The following FRMD4A variants were observed in gnomAD, a reference collection of about 807,000 sequenced individuals.
FRMD4A encodes the protein FERM domain-containing protein 4A.
A neutral mutation model predicts 129.1 loss-of-function variants in FRMD4A; 29 were observed. The observed-to-expected ratio is 0.22, with a 90% confidence interval of 0.17 to 0.31. FRMD4A has a LOEUF of 0.31. Among genes scored for constraint, FRMD4A ranks in the 10% least tolerant of loss-of-function variants. FRMD4A has a pLI of 1.00. For synonymous variants in FRMD4A, 634 were observed against 571.6 expected (o/e 1.11, Z -1.56); for missense variants, 1,272 against 1,375.8 (o/e 0.92, Z 1.19).
In FRMD4A at chr10:13,971,959, C is replaced by T. The variant is rs1013881909; in HGVS notation, c.46-113047G>A. On this transcript the variant is annotated intron_variant, in intron 2 of 24. Transcript: ENST00000357447. ...ATTCCTCTGACTCTCCTCCCCCTAC[C>T]TACCCTCACCACCACCCTCACTAAT... The T allele has an allele frequency of 1.1e-5, 13 of 1,204,276 alleles. No homozygotes were observed. In the South Asian group the frequency reaches 1.9e-4, roughly 18 times the overall value. The allele number at this position is 1,204,276 out of a possible 1,614,324, so 74.6% of individuals were successfully genotyped here.
At chr10:14,252,126 T>C (rs368097731) in intron 2 of FRMD4A, among the ~76,000 whole-genome samples, 1 of 152,350 alleles carries the variant, frequency 6.6e-6, no homozygotes, top group East Asian at 1.9e-4. Context: ...TCCTCAAATG[T>C]TAACATTTTA....
chr10:13,965,751 A>G (rs1482080787), intron 2 of FRMD4A, among the ~76,000 whole-genome samples: 1 of 152,224 alleles, frequency 6.6e-6, no homozygotes, highest in Non-Finnish European at 1.5e-5. Context: ...ATGAAAGGAC[A>G]AGTTTTGATC....
At chr10:14,072,036 C>G (rs1043906375) in intron 2 of FRMD4A, among the ~76,000 whole-genome samples, 2 of 152,140 alleles carry the variant, frequency 1.3e-5, no homozygotes, top group Non-Finnish European at 2.9e-5. Flanking sequence ...ACCTAAAATT[C>G]CACCTATTAG....
intron 2 of FRMD4A, among the ~76,000 whole-genome samples, chr10:14,037,659 TA>T (rs5783380): frequency 0.87 from 132,495 of 151,916 alleles, 59,392 homozygotes; most frequent in Non-Finnish European, 0.97. Context: ...CATGTGTATT[TA>T]AAAAAAAAAT....
intron 6 of FRMD4A, among the ~76,000 whole-genome samples, chr10:13,781,693 T>C (rs1588689740): frequency 6.6e-6 from 1 of 152,124 alleles, no homozygotes; most frequent in Non-Finnish European, 1.5e-5. Context: ...GGATGAACCT[T>C]GAGGCCATTA....
intron 2 of FRMD4A, among the ~76,000 whole-genome samples, chr10:14,236,678 G>A (rs1303486089): frequency 3.3e-5 from 5 of 152,184 alleles, no homozygotes; most frequent in Non-Finnish European, 7.4e-5. Flanking sequence ...GGCCCTGCTC[G>A]GGTGTCATAC....
chr10:13,799,209 G>C (rs552113128), intron 4 of FRMD4A, among the ~76,000 whole-genome samples: 52 of 152,326 alleles, frequency 3.4e-4, no homozygotes, highest in South Asian at 8.3e-4. Context: ...CCAGGCTGGA[G>C]TGCAGTGGTG....
intron 2 of FRMD4A, among the ~76,000 whole-genome samples, chr10:14,302,102 G>T (rs1273655077): frequency 1.3e-5 from 2 of 152,192 alleles, no homozygotes; most frequent in Non-Finnish European, 2.9e-5. Flanking sequence ...TAGTGCATTG[G>T]ATGGTCATTC....
chr10:13,880,515 G>A (rs1291856151), intron 2 of FRMD4A, among the ~76,000 whole-genome samples: 1 of 152,112 alleles, frequency 6.6e-6, no homozygotes, highest in Non-Finnish European at 1.5e-5. Flanking sequence ...CATGGCCTCC[G>A]TGGGACCAGG....
At chr10:14,178,983 C>A (rs1841823098) in intron 2 of FRMD4A, among the ~76,000 whole-genome samples, 2 of 152,128 alleles carry the variant, frequency 1.3e-5, no homozygotes, top group African/African-American at 4.8e-5. Context: ...TTGAGCCACC[C>A]TTCTTTCATA....
At chr10:13,680,861 T>C (rs1264786837) in intron 15 of FRMD4A, among the ~76,000 whole-genome samples, 1 of 152,022 alleles carries the variant, frequency 6.6e-6, no homozygotes, top group East Asian at 1.9e-4. Flanking sequence ...AGCCTGGCCA[T>C]AGTGAGACCC....
chr10:14,295,436 ATGT>A (rs1413983615), intron 2 of FRMD4A, among the ~76,000 whole-genome samples: 4 of 152,256 alleles, frequency 2.6e-5, no homozygotes, highest in East Asian at 1.9e-4. Flanking sequence ...AAGAGGAGAG[ATGT>A]TGTAGTCACC....
chr10:14,207,159 T>C (rs573879344), intron 2 of FRMD4A, among the ~76,000 whole-genome samples: 2 of 152,116 alleles, frequency 1.3e-5, no homozygotes. Context: ...TGGAATGTCA[T>C]ACAAACTTTC....
rs138213033 is a variant in FRMD4A, at chr10:14,228,740, T to C, written c.45+101318A>G. Reference sequence around the variant, plus strand: ...AGATTAGGTTCTGGATTAATACACATCACTAATTTCTATTTGTTTGCTTTT... The same window carrying C: ...AGATTAGGTTCTGGATTAATACACACCACTAATTTCTATTTGTTTGCTTTT... On this transcript the variant is annotated intron_variant, in intron 2 of 24. Transcript: ENST00000357447. Among the ~76,000 whole-genome samples, 611 of 151,740 alleles carry C rather than the reference T, an allele frequency of 4.0e-3. 5 individuals are homozygous for C. Among genetic ancestry groups the C allele is most frequent in the African/African-American group, 0.014 (563 of 41,402 alleles).
intron 2 of FRMD4A, among the ~76,000 whole-genome samples, chr10:13,893,472 T>C (rs1024989385): frequency 1.3e-5 from 2 of 152,222 alleles, no homozygotes; most frequent in Admixed American, 6.5e-5. Context: ...CTGATTTGTT[T>C]TGACTGCAAC....
Position 13,964,964 on chromosome 10 carries a change from G to A in FRMD4A, c.46-106052C>T, listed in dbSNP as rs747314127. On this transcript the variant is annotated intron_variant, in intron 2 of 24. Coordinates refer to ENST00000357447, the MANE Select transcript of FRMD4A (RefSeq NM_018027.5). ...CTCCCAAAGTGCTGGGATTACAGGC[G>A]TGAGCCACTGCGCCTGGCCAACTAA... 4.6e-5 allele frequency among the ~76,000 whole-genome samples: 7 copies of A among 151,942 alleles called. No homozygotes were observed. In the East Asian group the frequency reaches 5.8e-4, roughly 13 times the overall value.
chr10:13,979,328 A>C (rs1390567617), intron 2 of FRMD4A, among the ~76,000 whole-genome samples: 1 of 152,176 alleles, frequency 6.6e-6, no homozygotes, highest in Non-Finnish European at 1.5e-5. Context: ...GGGTCCCCAG[A>C]GAGAAGGGCA....
At chr10:13,721,507 A>G (rs965416601) in intron 12 of FRMD4A, among the ~76,000 whole-genome samples, 2 of 152,134 alleles carry the variant, frequency 1.3e-5, no homozygotes, top group African/African-American at 4.8e-5. Flanking sequence ...GATAAGACTT[A>G]TTATTTAAAA....
chr10:14,169,286 C>T (rs1370042613), intron 2 of FRMD4A, among the ~76,000 whole-genome samples: 3 of 152,114 alleles, frequency 2.0e-5, no homozygotes, highest in African/African-American at 7.2e-5. Flanking sequence ...GCCCCAATTC[C>T]GTGAATGCCT....
Sources: gnomAD v4.1 joint callset for allele counts (sites outside exome capture counted in the v4.1 genomes callset) on GRCh38, gnomAD v4.1.1 for gene constraint, MANE v1.5 for transcripts, NCBI Gene and HGNC (gene_info 2026-07-23, HGNC 2026-07-21) for gene names.